Variants in SIN3A observed in about 807,000 individuals in gnomAD.
The protein encoded by SIN3A is SIN3 transcription regulator family member A, also known as paired amphipathic helix protein Sin3a.
Under a neutral mutation model 146.1 loss-of-function variants are expected in SIN3A, and 14 were observed. The ratio of observed to expected loss-of-function variants is 0.10; its 90% confidence interval spans 0.06 to 0.15. The LOEUF is 0.15. Among genes scored for constraint, SIN3A ranks in the 10% least tolerant of loss-of-function variants. The pLI, the probability that SIN3A is intolerant of heterozygous loss-of-function variation, is 1.00. For missense variants in SIN3A, 1,028 were observed against 1,576.0 expected, an observed-to-expected ratio of 0.65 and a Z score of 5.89; for synonymous variants, 572 against 572.0, an observed-to-expected ratio of 1.00 and a Z score of 0.00.
At position 75,392,770 on chromosome 15, in the gene SIN3A, G is replaced by A; in HGVS notation, c.2323C>T (p.Pro775Ser). The A allele has an allele frequency of 6.2e-7, 1 of 1,613,862 alleles. No individual in the cohort carries two copies. The highest frequency in any genetic ancestry group is 8.5e-7 in the Non-Finnish European group (1 of 1,179,952). ...TCTTCATACGCAAGTGAGAGGTGTG[G>A]GCCAACAGGTACACCAGCATTCTCC... ...TEENAGVPVG[P>S]HLSLAYEDKQ... Residue 775 changes from proline (P) to serine (S), a missense_variant, in exon 15 of 21, where the codon CCA becomes TCA. Pro to Ser is a moderately conservative substitution (Grantham distance 74). Around this residue, in one of 9 missense-constraint regions of SIN3A, gnomAD observed 488 missense variants for 690.2 expected, o/e 0.71. Transcript: ENST00000394947.
chr15:75,413,130 T>G (rs1447785316), intron 4 of SIN3A, 85 bp from the exon 5 acceptor site: 39 of 1,366,196 alleles, frequency 2.9e-5, no homozygotes, highest in Non-Finnish European at 3.1e-5. Flanking sequence ...TTTTTTCTTT[T>G]GAGACGGAGT....
Position 75,392,738 on chromosome 15 carries a change from T to C in SIN3A, c.2355A>G (p.Gln785=), listed in dbSNP as rs1389483897. The C allele has an allele frequency of 6.2e-7, 1 of 1,614,204 alleles. No homozygotes were observed. Among genetic ancestry groups the C allele is most frequent in the Non-Finnish European group, 8.5e-7 (1 of 1,180,042 alleles). ...PHLSLAYEDK[Q]ILEDAAALII... is the part of the protein sequence containing the mutation. ...TCAGAGCAGCAGCATCTTCCAGTATTTGTTTGTCTTCATACGCAAGTGAGA... is the reference window on the plus strand; with the variant it reads ...TCAGAGCAGCAGCATCTTCCAGTATCTGTTTGTCTTCATACGCAAGTGAGA... Residue 785 remains glutamine, a synonymous_variant, in exon 15 of 21, where the codon CAA becomes CAG. Coordinates refer to ENST00000394947, the MANE Select transcript of SIN3A (RefSeq NM_001145358.2).
rs1567338837 is a variant in SIN3A, at chr15:75,394,760, C to A, written c.2197G>T (p.Gly733Trp). The change falls in exon 14 of 21, where the codon GGG (glycine) becomes TGG (tryptophan). Residue 733 changes from glycine (G) to tryptophan (W), a missense_variant. By Grantham distance (184) the Gly-to-Trp change is radical. This residue lies in a region of SIN3A where 488 missense variants were observed against 690.2 expected (regional missense o/e 0.71). Transcript: ENST00000394947. ...KYYLKSLDHQGINFKQNDTKV... is the reference protein window; with the variant it reads ...KYYLKSLDHQWINFKQNDTKV... The stretch of plus-strand genomic sequence containing the variant: ...GTGTCATTCTGTTTAAAGTTGATCC[C>A]CTGGTGGTCCAGAGACTTCAAGTAG... The A allele has an allele frequency of 1.2e-6, 2 of 1,614,088 alleles. No individual in the cohort carries two copies. The highest frequency in any genetic ancestry group is 8.5e-7 in the Non-Finnish European group (1 of 1,179,986).
intron 17 of SIN3A, among the ~76,000 whole-genome samples, chr15:75,382,584 G>A (rs930652537): frequency 2.0e-5 from 3 of 152,102 alleles, no homozygotes; most frequent in Admixed American, 2.0e-4. Context: ...TCTAAAAAGT[G>A]AATATCAAAT....
At chr15:75,374,204 T>C (rs1595884850) in intron 20 of SIN3A, among the ~76,000 whole-genome samples, 2 of 152,046 alleles carry the variant, frequency 1.3e-5, no homozygotes, top group East Asian at 3.9e-4. Flanking sequence ...AATATCTAAA[T>C]AATATCTACA....
intron 20 of SIN3A, among the ~76,000 whole-genome samples, chr15:75,372,932 C>A (rs981732267): frequency 6.6e-6 from 1 of 152,054 alleles, no homozygotes; most frequent in Admixed American, 6.6e-5. Context: ...TGGGTAGGAC[C>A]CAGTGAGCCA....
intron 1 of SIN3A, among the ~76,000 whole-genome samples, chr15:75,435,054 A>G (rs573912677): frequency 3.3e-5 from 5 of 152,152 alleles, no homozygotes; most frequent in African/African-American, 1.2e-4. Context: ...TAATTGGTAC[A>G]GCCTATTTAG....
At chr15:75,415,952 C>T (rs565532805) in intron 3 of SIN3A, 1 of 332,854 alleles carries the variant, frequency 3.0e-6, no homozygotes, top group Non-Finnish European at 5.8e-6. Flanking sequence ...GGGGAATAAC[C>T]TTGCAGGAAA....
rs567500463 is a variant in SIN3A, at chr15:75,377,668, A to G, written c.3384-1796T>C. 3.9e-5 allele frequency among the ~76,000 whole-genome samples: 6 copies of G among 152,168 alleles called. No individual in the cohort carries two copies. In the East Asian group the frequency reaches 1.2e-3, roughly 29 times the overall value. On this transcript the variant is annotated intron_variant, in intron 19 of 20. Coordinates refer to ENST00000394947, the MANE Select transcript of SIN3A (RefSeq NM_001145358.2). ...AAAAAGTTTCTGATGAAGCAGTAAC[A>G]TTTTCTATTAAATCCCAACCCCTCA...
intron 19 of SIN3A, among the ~76,000 whole-genome samples, chr15:75,378,791 C>T (rs1160717978): frequency 6.6e-6 from 1 of 151,682 alleles, no homozygotes; most frequent in East Asian, 1.9e-4. Context: ...AGACACTAAA[C>T]AAATTTATAA....
Position 75,376,208 on chromosome 15 carries a change from A to T in SIN3A, c.3384-336T>A, listed in dbSNP as rs868300935. ...GGATTTGTTTTTAAGACAAAATAGG[A>T]TCATACTATATATTTTGTCCTCAAC... On this transcript the variant is annotated intron_variant, in intron 19 of 20. Coordinates refer to ENST00000394947, the MANE Select transcript of SIN3A (RefSeq NM_001145358.2). 13 of 316,650 alleles carry T rather than the reference A, an allele frequency of 4.1e-5. No individual in the cohort carries two copies. In the South Asian group the frequency reaches 5.3e-4, roughly 13 times the overall value. The allele number at this position is 316,650 out of a possible 1,614,324, so 19.6% of individuals were successfully genotyped here. A position where few individuals can be genotyped will look rare whatever the true frequency, so the allele number is the denominator to read the frequency against.
At chr15:75,400,222 G>A in intron 11 of SIN3A, 66 bp from the exon 12 acceptor site, 3 of 841,556 alleles carry the variant, frequency 3.6e-6, no homozygotes, top group Non-Finnish European at 3.9e-6. Context: ...TAAGCATTCT[G>A]AATGAAAAGA....
In SIN3A at chr15:75,410,107, A is replaced by G. The variant is rs531066712; in HGVS notation, c.1161+27T>C. The G allele has an allele frequency of 1.2e-5, 19 of 1,608,138 alleles. No individual in the cohort carries two copies. In the Middle Eastern group the frequency reaches 5.0e-4, roughly 42 times the overall value. On this transcript the variant is annotated intron_variant, in intron 7 of 20. Coordinates refer to ENST00000394947, the MANE Select transcript of SIN3A (RefSeq NM_001145358.2). Reference sequence around the variant, plus strand: ...CTCATCTAAGATAATAATAGTAAATAGTGTAATTCTTATTAAAAAAACATA... The same window carrying G: ...CTCATCTAAGATAATAATAGTAAATGGTGTAATTCTTATTAAAAAAACATA...
intron 14 of SIN3A, among the ~76,000 whole-genome samples, chr15:75,394,471 G>T (rs897522923): frequency 1.3e-5 from 2 of 152,082 alleles, no homozygotes; most frequent in Non-Finnish European, 2.9e-5. Flanking sequence ...CAGTAAACTA[G>T]GAAACTAGTC....
rs372626992 is a variant in SIN3A at position 75,412,901 on chromosome 15, G to T, written c.618C>A (p.Gly206=). 6 of 1,613,896 alleles carry T rather than the reference G, an allele frequency of 3.7e-6. No individual in the cohort carries two copies. In the African/African-American group the frequency reaches 6.7e-5, roughly 18 times the overall value. The change falls in exon 5 of 21, where the codon GGC becomes GGA. Residue 206 remains glycine (G), a synonymous_variant. Transcript: ENST00000394947. ...TNDMVNVTTP[G]QVHQIPTHGI... ...CATGGGTGGGAATCTGATGAACCTG[G>T]CCAGGAGTTGTCACATTCACCATGT... is the stretch of plus-strand genomic sequence containing the variant.
rs557485803 is a variant in SIN3A at position 75,380,746 on chromosome 15, C to T, written c.3289-23G>A. The T allele has an allele frequency of 2.0e-5, 31 of 1,574,692 alleles. No homozygotes were observed. In the African/African-American group the frequency reaches 2.7e-4, roughly 14 times the overall value. On this transcript the variant is annotated intron_variant, in intron 18 of 20. Coordinates refer to ENST00000394947, the MANE Select transcript of SIN3A (RefSeq NM_001145358.2). Reference sequence around the variant, plus strand: ...GCGCTAAGATGGCAAACACAAAATACAGGTGGAAGGAAATCACAAAAACAG... The same window carrying T: ...GCGCTAAGATGGCAAACACAAAATATAGGTGGAAGGAAATCACAAAAACAG...
intron 15 of SIN3A, 136 bp from the exon 16 acceptor site, chr15:75,389,957 T>C: frequency 2.6e-6 from 2 of 758,446 alleles, no homozygotes; most frequent in Non-Finnish European, 4.3e-6. Flanking sequence ...TACTCACTCA[T>C]TCCAATGTAA....
At chr15:75,453,999 T>G (rs1029144057), upstream of SIN3A, 26 of 152,238 alleles carry the variant, frequency 1.7e-4, no homozygotes, top group African/African-American at 5.8e-4. Flanking sequence ...CTCACACATG[T>G]GCGGAGCGCG....
chr15:75,399,961 A>G, intron 12 of SIN3A, 79 bp downstream of exon 12: 2 of 801,342 alleles, frequency 2.5e-6, no homozygotes, highest in Non-Finnish European at 4.3e-6. Flanking sequence ...CCATCTTAAT[A>G]ACCCTCAGAG....
Sources: allele counts gnomAD v4.1 joint callset (sites outside exome capture counted in the v4.1 genomes callset), GRCh38; gene constraint gnomAD v4.1.1; regional missense constraint gnomAD v4.1.1; transcripts MANE v1.5; gene names NCBI Gene and HGNC (gene_info 2026-07-23, HGNC 2026-07-21).